The following WNK2 variants were observed in gnomAD, a reference collection of about 807,000 sequenced individuals.
The protein encoded by WNK2 is WNK lysine deficient protein kinase 2.
WNK2 carries 67 observed loss-of-function variants against 192.1 expected under a neutral mutation model. The ratio of observed to expected loss-of-function variants is 0.35; its 90% CI spans 0.29 to 0.43. The LOEUF (loss-of-function observed/expected upper bound fraction) is 0.43. Ranked by LOEUF, WNK2 falls within the 20% of genes least tolerant of loss-of-function variation. The pLI is 1.00. For synonymous variants in WNK2, 1,439 were observed against 1,393.9 expected (o/e 1.03, Z -0.72); for missense variants, 2,698 against 3,089.7 (o/e 0.87, Z 3.01).
rs1406256336 is a variant in WNK2 at position 93,259,178 on chromosome 9, T to G, written c.2630T>G (p.Val877Gly). The G allele has an allele frequency of 6.2e-7, 1 of 1,612,450 alleles. No individual in the cohort carries two copies. The highest frequency in any genetic ancestry group is 8.5e-7 in the Non-Finnish European group (1 of 1,179,700). ...APLAMPCRTI[V>G]PNAPATIPLL... ...CTGGCCATGCCCTGCCGGACCATTG[T>G]GCCAAATGCACCGGCCACTATCCCC... Residue 877 changes from valine (V) to glycine (G), a missense_variant, in exon 12 of 30, where the codon GTG (valine) becomes GGG (glycine). Val to Gly is a moderately radical substitution (Grantham distance 109). Around this residue, in one of 7 missense-constraint regions of WNK2, gnomAD observed 893 missense variants for 909.0 expected, o/e 0.98. Coordinates refer to ENST00000427277, the MANE Select transcript of WNK2 (RefSeq NM_006648.4). The surrounding 1 kb of genome is among the most constrained non-coding windows in gnomAD (Gnocchi z 4.8).
At chr9:93,219,602 G>A (rs918285837) in intron 2 of WNK2, among the ~76,000 whole-genome samples, 3 of 152,224 alleles carry the variant, frequency 2.0e-5, no homozygotes, top group Non-Finnish European at 2.9e-5. Context: ...CTGGGCAGGC[G>A]CCTACTCAGG....
chr9:93,221,830 C>T (rs991628475), intron 2 of WNK2, among the ~76,000 whole-genome samples: 5 of 152,078 alleles, frequency 3.3e-5, no homozygotes, highest in South Asian at 2.1e-4. Flanking sequence ...ATGGAGGTTG[C>T]GTCCTGGTTG....
At chr9:93,256,712 A>T in intron 10 of WNK2, 2 of 668,652 alleles carry the variant, frequency 3.0e-6, no homozygotes, top group Non-Finnish European at 4.9e-6. Flanking sequence ...GCTCACTCAG[A>T]ACATTTCTGC....
intron 26 of WNK2, 25 bp from the exon 27 acceptor site, chr9:93,306,752 T>C: frequency 6.2e-7 from 1 of 1,614,068 alleles, no homozygotes. Flanking sequence ...CCTGTGGTCT[T>C]GTGTCGTTTC....
At position 93,267,932 on chromosome 9, in the gene WNK2, C is replaced by A. The variant is rs781451731; in HGVS notation, c.3867+16C>A. On this transcript the variant is annotated intron_variant, in intron 17 of 29. Coordinates refer to ENST00000427277, the MANE Select transcript of WNK2 (RefSeq NM_006648.4). Reference sequence around the variant, plus strand: ...CACCGGGGAGGTGAGGTTGTGAAATCCGGGGTGGGAGGTGGTGAGAGTGCA... The same window carrying A: ...CACCGGGGAGGTGAGGTTGTGAAATACGGGGTGGGAGGTGGTGAGAGTGCA... 1 of 1,611,300 alleles carries A rather than the reference C, an allele frequency of 6.2e-7. No individual in the cohort carries two copies. The highest frequency in any genetic ancestry group is 1.1e-5 in the South Asian group (1 of 90,456).
chr9:93,275,486 C>A (rs1931368), intron 19 of WNK2, among the ~76,000 whole-genome samples: 2 of 152,074 alleles, frequency 1.3e-5, no homozygotes, highest in South Asian at 4.1e-4. Context: ...ATACACACAA[C>A]ATAAAAACCC....
chr9:93,320,338 A>G (rs1017189012), intron 29 of WNK2, 29 bp from the exon 30 acceptor site: 1 of 1,367,370 alleles, frequency 7.3e-7, no homozygotes, highest in Non-Finnish European at 9.8e-7. Context: ...CGGTGGGCCC[A>G]CAGTCAGCTG....
intron 2 of WNK2, among the ~76,000 whole-genome samples, chr9:93,197,844 G>A (rs1480182950): frequency 2.6e-5 from 4 of 152,148 alleles, no homozygotes; most frequent in East Asian, 1.9e-4. Context: ...CTGTACGACC[G>A]TGTGAGGTCG....
intron 8 of WNK2, among the ~76,000 whole-genome samples, chr9:93,248,609 C>T (rs1842120226): frequency 1.3e-5 from 2 of 152,158 alleles, no homozygotes; most frequent in South Asian, 4.1e-4. Context: ...TCCCATCCCC[C>T]GTAGTATCTC....
Position 93,247,872 on chromosome 9 carries a change from C to G in WNK2, c.1834+38C>G. The G allele has an allele frequency of 4.0e-6, 6 of 1,517,610 alleles. No homozygotes were observed. The highest frequency in any genetic ancestry group is 4.4e-6 in the Non-Finnish European group (5 of 1,138,804). The allele number at this position is 1,517,610 out of a possible 1,614,324, so 94.0% of individuals were successfully genotyped here. On this transcript the variant is annotated intron_variant, in intron 8 of 29. Coordinates refer to ENST00000427277, the MANE Select transcript of WNK2 (RefSeq NM_006648.4). This position sits in a 1 kb window ranked among gnomAD's most constrained non-coding sequence, Gnocchi z 5.2. Reference sequence around the variant, plus strand: ...GGGTGGGATGGCCATGGGCACCCCTCCCACCTACCCTGCAAAAACCAGCTA... The same window carrying G: ...GGGTGGGATGGCCATGGGCACCCCTGCCACCTACCCTGCAAAAACCAGCTA...
intron 19 of WNK2, among the ~76,000 whole-genome samples, chr9:93,285,992 C>G (rs149531812): frequency 2.1e-3 from 323 of 152,260 alleles, no homozygotes; most frequent in Non-Finnish European, 3.5e-3. Context: ...GGAGATGATC[C>G]TCATACCACA....
intron 2 of WNK2, among the ~76,000 whole-genome samples, chr9:93,192,517 C>T (rs1215024686): frequency 6.6e-6 from 1 of 151,014 alleles, no homozygotes; most frequent in African/African-American, 2.4e-5. Context: ...ATCTCCCAGG[C>T]TGATCCTGAG....
At chr9:93,225,261 T>C (rs10217119) in intron 2 of WNK2, among the ~76,000 whole-genome samples, 14,006 of 152,106 alleles carry the variant, frequency 0.092, 962 homozygotes, top group Admixed American at 0.19. Flanking sequence ...GCCAGCGTGG[T>C]AGCATGTGCC....
rs529930696 is a variant in WNK2, at chr9:93,279,290, G to A, written c.4034-9498G>A. Among the ~76,000 whole-genome samples, 116 of 152,300 alleles carry A rather than the reference G, an allele frequency of 7.6e-4. 1 individual carries two copies. Among genetic ancestry groups the A allele is most frequent in the African/African-American group, 2.3e-3 (95 of 41,552 alleles). ...AAGATACATGATCAATATATGAAAA[G>A]CTGTTGTATTTCTGTATGCTAACAA... On this transcript the variant is annotated intron_variant, in intron 19 of 29. Coordinates refer to ENST00000427277, the MANE Select transcript of WNK2 (RefSeq NM_006648.4).
At chr9:93,242,876 C>A (rs554143268) in intron 7 of WNK2, among the ~76,000 whole-genome samples, 20 of 152,306 alleles carry the variant, frequency 1.3e-4, no homozygotes, top group African/African-American at 4.8e-4. Context: ...TTTGGATGAC[C>A]TGGTTTTGAT....
chr9:93,208,109 A>G (rs150464834), intron 2 of WNK2, among the ~76,000 whole-genome samples: 41 of 152,278 alleles, frequency 2.7e-4, no homozygotes, highest in African/African-American at 8.4e-4. Context: ...CAGAACACAC[A>G]AACATCTCAG....
intron 2 of WNK2, among the ~76,000 whole-genome samples, chr9:93,222,913 C>T: frequency 6.6e-6 from 1 of 152,312 alleles, no homozygotes; most frequent in African/African-American, 2.4e-5. Context: ...AACTCCTGAC[C>T]TCAGGTGATC....
intron 8 of WNK2, among the ~76,000 whole-genome samples, chr9:93,249,685 A>G (rs547205886): frequency 8.2e-4 from 124 of 151,950 alleles, no homozygotes; most frequent in African/African-American, 2.8e-3. Context: ...CGTGTTAGCC[A>G]GGATGGTCTC....
intron 2 of WNK2, among the ~76,000 whole-genome samples, chr9:93,198,019 GT>G (rs1380541107): frequency 6.6e-6 from 1 of 152,190 alleles, no homozygotes; most frequent in Non-Finnish European, 1.5e-5. Context: ...TGAGAGGGAG[GT>G]GCTGTGATTC....
Sources: gnomAD v4.1 joint callset for allele counts (sites outside exome capture counted in the v4.1 genomes callset) on GRCh38, gnomAD v4.1.1 for gene constraint, gnomAD v4.1.1 regional missense constraint, Gnocchi (gnomAD v3.1) non-coding constraint, MANE v1.5 for transcripts, NCBI Gene and HGNC (gene_info 2026-07-23, HGNC 2026-07-21) for gene names.